CELF6: variants seen among roughly 807,000 people sequenced by gnomAD.
The protein encoded by CELF6 is Bruno -like 6, RNA binding protein.
In CELF6, 32 loss-of-function variants were observed where a neutral mutation model predicts 53.1. The ratio of observed to expected loss-of-function variants is 0.60; its 90% CI spans 0.46 to 0.81. The LOEUF (loss-of-function observed/expected upper bound fraction) is 0.81, where lower values mean the gene tolerates loss of function less well. Ranked by LOEUF, CELF6 falls within the 30% of genes least tolerant of loss-of-function variation. CELF6 has a pLI of 0.00. For missense variants in CELF6, 539 were observed against 669.5 expected (o/e 0.81, Z 2.15); for synonymous variants, 291 against 288.8 (o/e 1.01, Z -0.08).
chr15:72,303,985 C>A (rs968017993), intron 3 of CELF6, among the ~76,000 whole-genome samples: 6 of 152,112 alleles, frequency 3.9e-5, no homozygotes, highest in Non-Finnish European at 7.4e-5. Flanking sequence ...AGCCTCCCTG[C>A]CTCAGCCTCC....
Position 72,293,940 on chromosome 15 carries a change from C to T in CELF6, c.395-3685G>A, listed in dbSNP as rs374534536. Among the ~76,000 whole-genome samples, 23 of 61,598 alleles carry T rather than the reference C, an allele frequency of 3.7e-4. No homozygotes were observed. The East Asian group carries it at 6.8e-3, about 18-fold the overall frequency. The allele number at this position is 61,598 out of a possible 152,430, so 40.4% of individuals were successfully genotyped here. ...AACTCCTGACCTCAGGTGATCCGCC[C>T]GCCCAGGCCTCCCACAGTGCTTGGG... On this transcript the variant is annotated intron_variant, in intron 3 of 12. Coordinates refer to ENST00000287202, the MANE Select transcript of CELF6 (RefSeq NM_052840.5).
chr15:72,299,262 C>T (rs1406059244), intron 3 of CELF6, among the ~76,000 whole-genome samples: 1 of 151,500 alleles, frequency 6.6e-6, no homozygotes, highest in Non-Finnish European at 1.5e-5. Context: ...AACACAACAA[C>T]AACAAAAATA....
intron 3 of CELF6, among the ~76,000 whole-genome samples, chr15:72,292,887 C>A (rs1013165078): frequency 6.6e-6 from 1 of 152,124 alleles, no homozygotes; most frequent in Non-Finnish European, 1.5e-5. Flanking sequence ...AATAGCCAGG[C>A]GTGGTGGCAC....
chr15:72,315,389 A>C (rs2088349913), intron 2 of CELF6, among the ~76,000 whole-genome samples: 1 of 152,180 alleles, frequency 6.6e-6, no homozygotes, highest in African/African-American at 2.4e-5. Context: ...GAGGGAAGAC[A>C]ATCTTAGTGA....
chr15:72,309,318 G>T (rs1457307898), intron 2 of CELF6, among the ~76,000 whole-genome samples: 1 of 152,208 alleles, frequency 6.6e-6, no homozygotes, highest in Non-Finnish European at 1.5e-5. Context: ...GTGATTAGAG[G>T]CAAGAAGATC....
intron 2 of CELF6, among the ~76,000 whole-genome samples, chr15:72,306,565 A>AAAG (rs1462292975): frequency 6.6e-6 from 1 of 150,814 alleles, no homozygotes; most frequent in African/African-American, 2.4e-5. Context: ...AAAAAAAAAA[A>AAAG]AAAAAAAGGA....
chr15:72,303,838 G>A (rs996554759), intron 3 of CELF6, among the ~76,000 whole-genome samples: 4 of 152,042 alleles, frequency 2.6e-5, no homozygotes, highest in Admixed American at 6.6e-5. Flanking sequence ...CTCTCTAACC[G>A]TCCTATGTGG....
In CELF6 at chr15:72,284,945, G is replaced by A. The variant is rs959283518; in HGVS notation, c.*1426C>T. Reference sequence around the variant, plus strand: ...TCCTCCTGGGAAAAATATGTGCAAGGCCCTACAGGCCCAGGAAAGGCTGAC... The same window carrying A: ...TCCTCCTGGGAAAAATATGTGCAAGACCCTACAGGCCCAGGAAAGGCTGAC... On this transcript the variant is annotated 3_prime_UTR_variant, in exon 13 of 13. Transcript: ENST00000287202. The A allele has an allele frequency of 2.0e-5, 3 of 152,672 alleles. No homozygotes were observed. The highest frequency in any genetic ancestry group is 4.8e-5 in the African/African-American group (2 of 41,454). 9.5% of individuals were successfully genotyped at this position (152,672 alleles called of 1,614,324 possible).
intron 3 of CELF6, among the ~76,000 whole-genome samples, chr15:72,294,434 C>G (rs1334225801): frequency 2.0e-5 from 3 of 152,182 alleles, no homozygotes; most frequent in Admixed American, 2.0e-4. Context: ...AGCAAAGCAA[C>G]TCTCTCCTGA....
At chr15:72,304,367 T>C (rs1278922013) in intron 3 of CELF6, among the ~76,000 whole-genome samples, 1 of 152,158 alleles carries the variant, frequency 6.6e-6, no homozygotes, top group East Asian at 1.9e-4. Context: ...TGTTTTCTGA[T>C]ATCAGAAGGA....
intron 3 of CELF6, among the ~76,000 whole-genome samples, chr15:72,301,795 G>C (rs2088159327): frequency 7.1e-6 from 1 of 141,166 alleles, no homozygotes; most frequent in African/African-American, 2.6e-5. Context: ...GGAGTGCAGT[G>C]GTGCGATCTT....
intron 2 of CELF6, among the ~76,000 whole-genome samples, chr15:72,314,589 G>GTTGTTTTTTTTTTTTTTTTT (rs2088337588): frequency 1.0e-5 from 1 of 97,858 alleles, no homozygotes; most frequent in African/African-American, 4.8e-5. Flanking sequence ...AAAACCCAGT[G>GTTGTTTTTTTTTTTTTTTTT]TTTTTTTTTT....
At chr15:72,310,214 A>C (rs551438160) in intron 2 of CELF6, among the ~76,000 whole-genome samples, 1 of 152,202 alleles carries the variant, frequency 6.6e-6, no homozygotes, top group Non-Finnish European at 1.5e-5. Context: ...TTCTTGAGGA[A>C]GGGAACACTG....
At chr15:72,318,800 A>C (rs2088392544) in intron 1 of CELF6, among the ~76,000 whole-genome samples, 1 of 152,200 alleles carries the variant, frequency 6.6e-6, no homozygotes, top group Non-Finnish European at 1.5e-5. Flanking sequence ...GGAGCAAAGA[A>C]GAGGCACAGG....
At position 72,285,259 on chromosome 15, in the gene CELF6, A is replaced by G. The variant is rs1194998701; in HGVS notation, c.*1112T>C. The G allele has an allele frequency of 6.5e-6, 1 of 152,672 alleles. No homozygotes were observed. Among genetic ancestry groups the G allele is most frequent in the African/African-American group, 2.4e-5 (1 of 41,462 alleles). 9.5% of individuals were successfully genotyped at this position (152,672 alleles called of 1,614,324 possible). ...TACTTCCCTCCCAGGTCTGGGGTAA[A>G]GAGGGACCTCTAATTCTGAAGCTTC... is the stretch of plus-strand genomic sequence containing the variant. On this transcript the variant is annotated 3_prime_UTR_variant, in exon 13 of 13. Transcript: ENST00000287202.
intron 3 of CELF6, among the ~76,000 whole-genome samples, chr15:72,294,974 T>A: frequency 5.0e-5 from 2 of 40,124 alleles, no homozygotes; most frequent in African/African-American, 7.5e-5. Context: ...TGAGACTGTG[T>A]CTCAAAAAAA....
chr15:72,286,812 T>C (rs1190813558), intron 12 of CELF6, among the ~76,000 whole-genome samples: 2 of 152,224 alleles, frequency 1.3e-5, no homozygotes, highest in African/African-American at 4.8e-5. Flanking sequence ...TCTAGTCCTT[T>C]CTCTGCTTAA....
In CELF6 at chr15:72,288,989, A is replaced by G; in HGVS notation, c.1031-59T>C. ...GGCAAGCGGGCGAGCAGAGTGGGTG[A>G]GAAGCTCAGGGAGTGTGGGAGGTGG... On this transcript the variant is annotated intron_variant, in intron 8 of 12. Transcript: ENST00000287202. The surrounding 1 kb of genome is among the most constrained non-coding windows in gnomAD (Gnocchi z 4.6). The G allele has an allele frequency of 6.8e-7, 1 of 1,474,492 alleles. No homozygotes were observed. The highest frequency in any genetic ancestry group is 9.2e-7 in the Non-Finnish European group (1 of 1,082,814). The allele number at this position is 1,474,492 out of a possible 1,614,324, so 91.3% of individuals were successfully genotyped here.
chr15:72,288,969 GC>G lies in CELF6; in HGVS notation c.1031-40del. ...GGCGCGAGGCCCACAGTGAAGGCAA[GC>G]GGGCGAGCAGAGTGGGTGAGAAGCT... On this transcript the variant is annotated intron_variant, in intron 8 of 12. Transcript: ENST00000287202. The surrounding 1 kb of genome is among the most constrained non-coding windows in gnomAD (Gnocchi z 4.6). 6.5e-7 allele frequency: 1 copy of G among 1,534,704 alleles called. No individual in the cohort carries two copies. The highest frequency in any genetic ancestry group is 1.4e-5 in the African/African-American group (1 of 72,844).
Sources: gnomAD v4.1 joint callset for allele counts (sites outside exome capture counted in the v4.1 genomes callset) on GRCh38, gnomAD v4.1.1 for gene constraint, Gnocchi (gnomAD v3.1) non-coding constraint, MANE v1.5 for transcripts, NCBI Gene and HGNC (gene_info 2026-07-23, HGNC 2026-07-21) for gene names.